The following PDCD6IP variants were observed in gnomAD, a reference collection of about 807,000 sequenced individuals.
PDCD6IP encodes the protein programmed cell death 6 interacting protein.
In PDCD6IP, 43 loss-of-function variants were observed where a neutral mutation model predicts 103.7. That is an observed-to-expected ratio of 0.41 (90% confidence interval 0.32 to 0.53). The LOEUF (loss-of-function observed/expected upper bound fraction) is 0.53. Among genes scored for constraint, PDCD6IP ranks in the 20% least tolerant of loss-of-function variants. The pLI is 0.16. For synonymous variants in PDCD6IP, 354 were observed against 378.7 expected (o/e 0.93, Z 0.76); for missense variants, 871 against 1,036.7 (o/e 0.84, Z 2.20).
intron 15 of PDCD6IP, among the ~76,000 whole-genome samples, chr3:33,857,503 AAC>A (rs1182744434): frequency 1.3e-5 from 2 of 152,210 alleles, no homozygotes; most frequent in East Asian, 3.8e-4. Context: ...AAAAAAACCT[AAC>A]AAAGATTAAT....
Position 33,869,196 on chromosome 3 carries a change from T to C in PDCD6IP, c.*2671T>C, listed in dbSNP as rs1303109529. 3.5e-5 allele frequency: 5 copies of C among 144,520 alleles called. No individual in the cohort carries two copies. Among genetic ancestry groups the C allele is most frequent in the African/African-American group, 1.3e-4 (5 of 38,816 alleles). The allele number at this position is 144,520 out of a possible 1,614,324, so 9.0% of individuals were successfully genotyped here. On this transcript the variant is annotated 3_prime_UTR_variant, in exon 18 of 18. Coordinates refer to ENST00000307296, the MANE Select transcript of PDCD6IP (RefSeq NM_013374.6). ...TGCAAAAGTGCTTTTATACATTTTC[T>C]AATTTCAGAAACAGGATAATTTGTT...
chr3:33,826,454 A>T, intron 5 of PDCD6IP, 26 bp from the exon 6 acceptor site: 3 of 1,515,314 alleles, frequency 2.0e-6, no homozygotes, highest in Non-Finnish European at 2.7e-6. Flanking sequence ...ATTTATTTTA[A>T]TTATAATGGT....
chr3:33,827,225 G>C (rs777788294), intron 6 of PDCD6IP: 95 of 970,036 alleles, frequency 9.8e-5, no homozygotes, highest in Non-Finnish European at 1.1e-4. Flanking sequence ...CAAATCACTA[G>C]TAAATTTGGA....
chr3:33,821,157 A>G (rs1575912552), intron 3 of PDCD6IP, among the ~76,000 whole-genome samples: 1 of 150,454 alleles, frequency 6.6e-6, no homozygotes, highest in African/African-American at 2.4e-5. Context: ...GCACCACCAT[A>G]CCTGGCTGTT....
intron 15 of PDCD6IP, among the ~76,000 whole-genome samples, chr3:33,859,930 G>C (rs1316923421): frequency 6.6e-6 from 1 of 152,158 alleles, no homozygotes; most frequent in Non-Finnish European, 1.5e-5. Context: ...AAAGTGACCA[G>C]GGCTGGTGAA....
intron 15 of PDCD6IP, among the ~76,000 whole-genome samples, chr3:33,861,532 TAGAC>T (rs1236291444): frequency 6.6e-6 from 1 of 152,220 alleles, no homozygotes; most frequent in African/African-American, 2.4e-5. Context: ...GTTACTGTAT[TAGAC>T]AGTACATGCT....
In PDCD6IP at chr3:33,845,435, A is replaced by G; in HGVS notation, c.1488A>G (p.Arg496=). ...KPLRAEGTNF[R]TVLDKAVQAD... ...TTCTCCCAGAGGGAACCAACTTCAG[A>G]ACAGTTTTAGATAAAGCTGTGCAGG... is the stretch of plus-strand genomic sequence containing the variant. Residue 496 remains arginine, a synonymous_variant, in exon 12 of 18, where the codon AGA becomes AGG. Coordinates refer to ENST00000307296, the MANE Select transcript of PDCD6IP (RefSeq NM_013374.6). 1 of 1,613,068 alleles carries G rather than the reference A, an allele frequency of 6.2e-7. No homozygotes were observed.
rs755361949 is a variant in PDCD6IP at position 33,865,346 on chromosome 3, C to T, written c.2348C>T (p.Ala783Val). 1.6e-5 allele frequency: 26 copies of T among 1,601,108 alleles called. No homozygotes were observed. The highest frequency in any genetic ancestry group is 5.2e-5 in the Admixed American group (3 of 58,132). ...APSPVGAGTA[A>V]PAPSQTPGSA... ...TCTCCAGTGGGGGCTGGGACTGCTG[C>T]GCCAGCTCCATCACAAACGCCTGGC... The change falls in exon 17 of 18, where the codon GCG (alanine) becomes GTG (valine). Residue 783 changes from alanine to valine, a missense_variant. This residue lies in a region of PDCD6IP where 202 missense variants were observed against 205.2 expected (regional missense o/e 0.98). Coordinates refer to ENST00000307296, the MANE Select transcript of PDCD6IP (RefSeq NM_013374.6).
rs1697345189 is a variant in PDCD6IP, at chr3:33,836,206, G to C, written c.997G>C (p.Gly333Arg). Residue 333 changes from glycine to arginine, a missense_variant, in exon 8 of 18, where the codon GGC (glycine) becomes CGC (arginine). Transcript: ENST00000307296. ...AGACCTTAAAGATCTAGATCCTATT[G>C]GCAAAGCCACACTTGTGAAATCTAC... ...VPDLKDLDPI[G>R]KATLVKSTPV... 6.2e-7 allele frequency: 1 copy of C among 1,613,438 alleles called. No individual in the cohort carries two copies. The highest frequency in any genetic ancestry group is 2.2e-5 in the East Asian group (1 of 44,862).
intron 3 of PDCD6IP, among the ~76,000 whole-genome samples, chr3:33,816,060 A>T (rs555478936): frequency 6.6e-5 from 10 of 152,184 alleles, no homozygotes; most frequent in Admixed American, 5.9e-4. Flanking sequence ...AGAGTTTCAA[A>T]GGTGATGTGG....
At chr3:33,836,653 A>G in intron 8 of PDCD6IP, among the ~76,000 whole-genome samples, 1 of 150,784 alleles carries the variant, frequency 6.6e-6, no homozygotes, top group South Asian at 2.1e-4. Context: ...CTCAGGAGTT[A>G]GAGACCAGCC....
Position 33,866,436 on chromosome 3 carries a change from A to C in PDCD6IP, c.2518A>C (p.Ser840Arg). Residue 840 changes from serine (S) to arginine (R), a missense_variant, in exon 18 of 18, where the codon AGT (serine) becomes CGT (arginine). Transcript: ENST00000307296. The stretch of plus-strand genomic sequence containing the variant: ...GCCATATCCACCAGTGTATCACCAG[A>C]GTCCTGGACAGGCTCCATACCCGGG... ...NMPYPPVYHQ[S>R]PGQAPYPGPQ... is the part of the protein sequence containing the mutation. 6.2e-7 allele frequency: 1 copy of C among 1,611,640 alleles called. No homozygotes were observed. The highest frequency in any genetic ancestry group is 8.5e-7 in the Non-Finnish European group (1 of 1,179,046).
At position 33,844,101 on chromosome 3, in the gene PDCD6IP, T is replaced by G. The variant is rs2125567727; in HGVS notation, c.1360-11T>G. 1 of 1,539,108 alleles carries G rather than the reference T, an allele frequency of 6.5e-7. No homozygotes were observed. Among genetic ancestry groups the G allele is most frequent in the Non-Finnish European group, 8.8e-7 (1 of 1,130,060 alleles). On this transcript the variant is annotated splice_polypyrimidine_tract_variant and intron_variant, in intron 10 of 17. Transcript: ENST00000307296. ...ATGACATTTCAGGGTTCTTTTTGCT[T>G]CCTTTTAAAGTCATTAAGGTTGTTG... is the stretch of plus-strand genomic sequence containing the variant.
chr3:33,816,948 C>CT (rs1437962204), intron 3 of PDCD6IP, among the ~76,000 whole-genome samples: 1 of 152,094 alleles, frequency 6.6e-6, no homozygotes, highest in Non-Finnish European at 1.5e-5. Context: ...AGATCATAAA[C>CT]AGGAGGTGGT....
Position 33,844,158 on chromosome 3 carries a change from G to A in PDCD6IP, c.1406G>A (p.Arg469Lys), listed in dbSNP as rs1697538223. The change falls in exon 11 of 18, where the codon AGA becomes AAA. Residue 469 changes from arginine to lysine, a missense_variant. Arg to Lys is a conservative substitution (Grantham distance 26). This residue lies in a region of PDCD6IP where 266 missense variants were observed against 390.5 expected (regional missense o/e 0.68). Coordinates refer to ENST00000307296, the MANE Select transcript of PDCD6IP (RefSeq NM_013374.6). ...GAAGAAGCAACCGATAATGATTTAAGAGCAAAATTTAAGGAACGTTGGCAA... is the reference window on the plus strand; with the variant it reads ...GAAGAAGCAACCGATAATGATTTAAAAGCAAAATTTAAGGAACGTTGGCAA... ...DEEEATDNDL[R>K]AKFKERWQRT... 3 of 1,608,802 alleles carry A rather than the reference G, an allele frequency of 1.9e-6. No individual in the cohort carries two copies. Among genetic ancestry groups the A allele is most frequent in the South Asian group, 2.2e-5 (2 of 89,776 alleles).
Position 33,836,074 on chromosome 3 carries a change from T to C in PDCD6IP, c.865T>C (p.Ser289Pro), listed in dbSNP as rs761786299. 1 of 1,610,140 alleles carries C rather than the reference T, an allele frequency of 6.2e-7. No homozygotes were observed. The highest frequency in any genetic ancestry group is 8.5e-7 in the Non-Finnish European group (1 of 1,176,482). The change falls in exon 8 of 18, where the codon TCT becomes CCT. Residue 289 changes from serine to proline, a missense_variant. Ser to Pro is a moderately conservative substitution (Grantham distance 74). Around this residue, in one of 5 missense-constraint regions of PDCD6IP, gnomAD observed 242 missense variants for 250.7 expected, o/e 0.97. Coordinates refer to ENST00000307296, the MANE Select transcript of PDCD6IP (RefSeq NM_013374.6). ...AGCAGAACTGATTAAAACAGTGGCA[T>C]CTCGCTATGATGAATATGTTAATGT... ...HAAELIKTVA[S>P]RYDEYVNVKD...
intron 1 of PDCD6IP, among the ~76,000 whole-genome samples, chr3:33,811,469 C>T (rs1366581876): frequency 3.9e-5 from 6 of 152,196 alleles, no homozygotes; most frequent in Admixed American, 3.9e-4. Flanking sequence ...CTCCTCCTTT[C>T]CCTGCCAGAC....
At chr3:33,859,386 A>G (rs1697900516) in intron 15 of PDCD6IP, among the ~76,000 whole-genome samples, 1 of 152,184 alleles carries the variant, frequency 6.6e-6, no homozygotes, top group South Asian at 2.1e-4. Flanking sequence ...TCATAGAAAT[A>G]TGATAAACAG....
At chr3:33,843,067 C>G (rs1310707935) in intron 10 of PDCD6IP, among the ~76,000 whole-genome samples, 1 of 152,142 alleles carries the variant, frequency 6.6e-6, no homozygotes, top group Non-Finnish European at 1.5e-5. Context: ...AGTAATTTAT[C>G]TTAAGACTTT....
Sources: allele counts gnomAD v4.1 joint callset (sites outside exome capture counted in the v4.1 genomes callset), GRCh38; gene constraint gnomAD v4.1.1; regional missense constraint gnomAD v4.1.1; transcripts MANE v1.5; gene names NCBI Gene and HGNC (gene_info 2026-07-23, HGNC 2026-07-21).